Variants in SNX25 observed in about 807,000 individuals in gnomAD.
SNX25 encodes the protein sorting nexin-25.
Under a neutral mutation model 113.7 loss-of-function variants are expected in SNX25, and 62 were observed. The ratio of observed to expected loss-of-function variants is 0.55; its 90% CI spans 0.44 to 0.67. The LOEUF (loss-of-function observed/expected upper bound fraction) is 0.67, where lower values mean the gene tolerates loss of function less well. Among genes scored for constraint, SNX25 ranks in the 30% least tolerant of loss-of-function variants. The pLI is 0.00. For missense variants in SNX25, 1,014 were observed against 1,161.0 expected (o/e 0.87, Z 1.84); for synonymous variants, 421 against 436.2 (o/e 0.97, Z 0.43).
intron 1 of SNX25, among the ~76,000 whole-genome samples, chr4:185,244,240 G>A (rs113314202): frequency 0.015 from 2,222 of 152,234 alleles, 61 homozygotes; most frequent in African/African-American, 0.051. Flanking sequence ...TGATCCACCC[G>A]CCTCTGCCTC....
chr4:185,255,222 C>G (rs1746245214), intron 2 of SNX25, among the ~76,000 whole-genome samples: 1 of 152,080 alleles, frequency 6.6e-6, no homozygotes, highest in South Asian at 2.1e-4. Context: ...CAACCTACGC[C>G]TCCTGGGTTC....
intron 5 of SNX25, among the ~76,000 whole-genome samples, chr4:185,277,117 C>T (rs1188410762): frequency 6.6e-6 from 1 of 152,136 alleles, no homozygotes; most frequent in Admixed American, 6.5e-5. Flanking sequence ...CTCTGCCTCT[C>T]GGGTTCAAGT....
chr4:185,342,637 A>G (rs543529087), intron 12 of SNX25, among the ~76,000 whole-genome samples: 2 of 151,434 alleles, frequency 1.3e-5, no homozygotes, highest in South Asian at 2.1e-4. Context: ...GGAGGCATTA[A>G]GGCGCGGTGC....
rs1015449785 is a variant in SNX25 at position 185,342,008 on chromosome 4, T to G, written c.2079T>G (p.Cys693Trp). The change falls in exon 12 of 19, where the codon TGT becomes TGG. Residue 693 changes from cysteine (C) to tryptophan (W), a missense_variant. Coordinates refer to ENST00000652585, the MANE Select transcript of SNX25 (RefSeq NM_001378034.2). Reference sequence around the variant, plus strand: ...AAGAGAATGGTGAGCAATTGCCATGTTACTTTGTCATGGTAAGCCTACAAG... The same window carrying G: ...AAGAGAATGGTGAGCAATTGCCATGGTACTTTGTCATGGTAAGCCTACAAG... ...VTEENGEQLP[C>W]YFVMVSLQEV... 6.2e-7 allele frequency: 1 copy of G among 1,609,112 alleles called. No homozygotes were observed. Among genetic ancestry groups the G allele is most frequent in the Non-Finnish European group, 8.5e-7 (1 of 1,178,326 alleles).
At position 185,351,621 on chromosome 4, in the gene SNX25, A is replaced by G. The variant is rs757386699; in HGVS notation, c.2466+12A>G. The G allele has an allele frequency of 7.4e-6, 12 of 1,612,392 alleles. No homozygotes were observed. In the South Asian group the frequency reaches 1.2e-4, roughly 16 times the overall value. On this transcript the variant is annotated intron_variant, in intron 14 of 18. Transcript: ENST00000652585. ...TCTCCCACCAGGAGGTGAGCCGTTGAAAGAGTGAACCACTTTTGTAGTGTA... is the reference window on the plus strand; with the variant it reads ...TCTCCCACCAGGAGGTGAGCCGTTGGAAGAGTGAACCACTTTTGTAGTGTA...
At chr4:185,279,632 A>T (rs1750275785) in intron 5 of SNX25, among the ~76,000 whole-genome samples, 1 of 152,152 alleles carries the variant, frequency 6.6e-6, no homozygotes, top group Non-Finnish European at 1.5e-5. Flanking sequence ...CCCTAAAATG[A>T]GATATTTTTT....
upstream of SNX25, among the ~76,000 whole-genome samples, chr4:185,206,660 CAAAAAA>C (rs375061067): frequency 3.9e-5 from 3 of 77,438 alleles, no homozygotes; most frequent in African/African-American, 1.5e-4. Context: ...ACTCTTGTCT[CAAAAAA>C]AAAAAAAAAA....
chr4:185,319,971 A>G (rs1027383275), intron 7 of SNX25, among the ~76,000 whole-genome samples: 2 of 152,198 alleles, frequency 1.3e-5, no homozygotes, highest in Non-Finnish European at 2.9e-5. Context: ...AAAAGTCAAG[A>G]AACAATGGAT....
downstream of SNX25, chr4:185,374,277 A>G (rs200967471): frequency 7.6e-4 from 1,231 of 1,614,122 alleles, 9 homozygotes; most frequent in African/African-American, 0.011. Flanking sequence ...TCTCGGTTTC[A>G]GCATTTCCTT....
chr4:185,270,798 T>C (rs1261828307), intron 5 of SNX25, among the ~76,000 whole-genome samples: 1 of 152,236 alleles, frequency 6.6e-6, no homozygotes, highest in Non-Finnish European at 1.5e-5. Flanking sequence ...CTTTTGTGTC[T>C]GGTTGCTTTC....
chr4:185,359,325 C>T (rs891028004), intron 16 of SNX25, among the ~76,000 whole-genome samples: 1 of 151,532 alleles, frequency 6.6e-6, no homozygotes, highest in African/African-American at 2.4e-5. Flanking sequence ...CTGAATGAAA[C>T]AGCAAGACCC....
Position 185,210,625 on chromosome 4 carries a change from G to C in SNX25, c.429+370G>C, listed in dbSNP as rs779578103. 1.3e-5 allele frequency among the ~76,000 whole-genome samples: 2 copies of C among 152,002 alleles called. No homozygotes were observed. Among genetic ancestry groups the C allele is most frequent in the Non-Finnish European group, 2.9e-5 (2 of 68,010 alleles). On this transcript the variant is annotated intron_variant, in intron 1 of 18. Coordinates refer to ENST00000652585, the MANE Select transcript of SNX25 (RefSeq NM_001378034.2). This position sits in a 1 kb window ranked among gnomAD's most constrained non-coding sequence, Gnocchi z 4.4. ...TCGCTACGTGCAGGCTCTGCGCACG[G>C]TCCTGGCGATCCGCTTGGTTCTTCT... is the stretch of plus-strand genomic sequence containing the variant.
At chr4:185,205,837 TAAAC>T (rs1019551185), upstream of SNX25, among the ~76,000 whole-genome samples, 3 of 151,698 alleles carry the variant, frequency 2.0e-5, no homozygotes, top group African/African-American at 2.4e-5. Flanking sequence ...TCTAAATAAA[TAAAC>T]AAACTGTGGT....
chr4:185,332,349 T>A (rs1351482828), intron 9 of SNX25, among the ~76,000 whole-genome samples: 5 of 152,196 alleles, frequency 3.3e-5, no homozygotes, highest in Admixed American at 3.3e-4. Flanking sequence ...TGGGAAATAA[T>A]GGCATGGGAT....
Position 185,232,702 on chromosome 4 carries a change from G to A in SNX25, c.430-14592G>A, listed in dbSNP as rs1742047355. Among the ~76,000 whole-genome samples, 1 of 152,200 alleles carries A rather than the reference G, an allele frequency of 6.6e-6. No individual in the cohort carries two copies. On this transcript the variant is annotated intron_variant, in intron 1 of 18. Transcript: ENST00000652585. The surrounding 1 kb of genome is among the most constrained non-coding windows in gnomAD (Gnocchi z 4.4). The stretch of plus-strand genomic sequence containing the variant: ...CATCCAGTTGTTGAGTTACAGGACA[G>A]CTTTAAAGCAGGGGCAGCTCTTCTG...
upstream of SNX25, among the ~76,000 whole-genome samples, chr4:185,208,218 A>G (rs950616622): frequency 2.6e-5 from 4 of 151,916 alleles, no homozygotes; most frequent in Non-Finnish European, 2.9e-5. Context: ...AAGTTTCACT[A>G]TGTTGGCCAG....
chr4:185,309,112 C>T (rs867020749), intron 6 of SNX25, among the ~76,000 whole-genome samples: 5 of 152,130 alleles, frequency 3.3e-5, no homozygotes, highest in African/African-American at 4.8e-5. Flanking sequence ...TGTACTCACA[C>T]GGTGCCTCAT....
intron 1 of SNX25, among the ~76,000 whole-genome samples, chr4:185,227,032 G>A (rs1429928478): frequency 6.6e-6 from 1 of 152,206 alleles, no homozygotes; most frequent in Non-Finnish European, 1.5e-5. Flanking sequence ...CCCGTGAGTC[G>A]GAAGAGCTTG....
intron 2 of SNX25, among the ~76,000 whole-genome samples, chr4:185,247,664 G>C (rs1745050208): frequency 6.6e-6 from 1 of 152,056 alleles, no homozygotes; most frequent in South Asian, 2.1e-4. Context: ...TTCTAAAATG[G>C]GTTTTAGGAA....
Sources: gnomAD v4.1 joint callset for allele counts (sites outside exome capture counted in the v4.1 genomes callset) on GRCh38, gnomAD v4.1.1 for gene constraint, Gnocchi (gnomAD v3.1) non-coding constraint, MANE v1.5 for transcripts, NCBI Gene and HGNC (gene_info 2026-07-23, HGNC 2026-07-21) for gene names.